Variants in ATP8A2 observed in about 807,000 individuals in gnomAD.
The protein encoded by ATP8A2 is phospholipid-transporting ATPase IB.
In ATP8A2, 100 loss-of-function variants were observed where a neutral mutation model predicts 165.6. That is an observed-to-expected ratio of 0.60 (90% CI 0.51 to 0.71). The LOEUF is 0.71. ATP8A2 is among the 30% of genes least tolerant of loss of function. ATP8A2 has a pLI of 0.00. For synonymous variants in ATP8A2, 543 were observed against 548.8 expected, an observed-to-expected ratio of 0.99 and a Z score of 0.15; for missense variants, 1,227 against 1,479.5, an observed-to-expected ratio of 0.83 and a Z score of 2.80.
chr13:25,950,043 A>G (rs894880009), intron 33 of ATP8A2, among the ~76,000 whole-genome samples: 1 of 152,068 alleles, frequency 6.6e-6, no homozygotes, highest in Non-Finnish European at 1.5e-5. Context: ...CAGGTGATCC[A>G]CCTGCCTCTG....
At chr13:25,427,912 A>G (rs1021059781) in intron 1 of ATP8A2, among the ~76,000 whole-genome samples, 3 of 151,916 alleles carry the variant, frequency 2.0e-5, no homozygotes, top group Non-Finnish European at 4.4e-5. Context: ...AGAAAAAGCA[A>G]GTTGGCTGGG....
In ATP8A2 at chr13:25,426,582, A is replaced by G. The variant is rs115220683; in HGVS notation, c.77-42395A>G. ...CATTATGGTGGCTACATGTCATTATACACTTGTCCAGACCATAGCCTGTAC... is the reference window on the plus strand; with the variant it reads ...CATTATGGTGGCTACATGTCATTATGCACTTGTCCAGACCATAGCCTGTAC... On this transcript the variant is annotated intron_variant, in intron 1 of 36. Coordinates refer to ENST00000381655, the MANE Select transcript of ATP8A2 (RefSeq NM_016529.6). Among the ~76,000 whole-genome samples the G allele has an allele frequency of 7.4e-3, 1,121 of 152,298 alleles. 11 individuals are homozygous for G. The highest frequency in any genetic ancestry group is 0.025 in the African/African-American group (1,041 of 41,562).
chr13:25,768,147 AAGCATCAGCTT>A (rs1438485490), intron 25 of ATP8A2, among the ~76,000 whole-genome samples: 2 of 151,988 alleles, frequency 1.3e-5, no homozygotes, highest in Non-Finnish European at 2.9e-5. Flanking sequence ...CCCGCAAATC[AAGCATCAGCTT>A]ACCAATTCAG....
intron 7 of ATP8A2, among the ~76,000 whole-genome samples, chr13:25,538,940 A>G (rs1472206323): frequency 6.6e-6 from 1 of 152,168 alleles, no homozygotes; most frequent in Admixed American, 6.6e-5. Flanking sequence ...AACACAGGGC[A>G]GGATTTATGT....
intron 2 of ATP8A2, among the ~76,000 whole-genome samples, chr13:25,513,319 G>A (rs1358573102): frequency 5.3e-5 from 8 of 151,988 alleles, no homozygotes; most frequent in Non-Finnish European, 1.0e-4. Context: ...CATCCCAGAC[G>A]GGGCGGTGGG....
intron 2 of ATP8A2, among the ~76,000 whole-genome samples, chr13:25,521,604 T>C (rs1328388445): frequency 6.6e-6 from 1 of 152,214 alleles, no homozygotes; most frequent in African/African-American, 2.4e-5. Flanking sequence ...TTACCAGTTT[T>C]CCCGGCATCA....
At chr13:25,839,951 C>T (rs1030895163) in intron 30 of ATP8A2, among the ~76,000 whole-genome samples, 10 of 152,032 alleles carry the variant, frequency 6.6e-5, no homozygotes, top group African/African-American at 2.4e-4. Context: ...GCTTTTTGTC[C>T]GTGGTTTGAA....
intron 24 of ATP8A2, among the ~76,000 whole-genome samples, chr13:25,660,331 C>T (rs546163464): frequency 9.9e-5 from 15 of 152,252 alleles, no homozygotes; most frequent in African/African-American, 3.4e-4. Context: ...TGTAACAATG[C>T]ACCTACAGAG....
At chr13:25,775,248 C>T (rs1348445669) in intron 27 of ATP8A2, among the ~76,000 whole-genome samples, 1 of 152,202 alleles carries the variant, frequency 6.6e-6, no homozygotes, top group Non-Finnish European at 1.5e-5. Flanking sequence ...GCCTCTTCCT[C>T]TGTGTCCTTG....
chr13:25,617,389 T>C (rs568855387), intron 24 of ATP8A2, among the ~76,000 whole-genome samples: 1 of 152,246 alleles, frequency 6.6e-6, no homozygotes, highest in Non-Finnish European at 1.5e-5. Flanking sequence ...ATTATTTTTA[T>C]AACTCAATTG....
intron 29 of ATP8A2, among the ~76,000 whole-genome samples, chr13:25,838,058 G>T (rs1022891514): frequency 6.6e-6 from 1 of 152,208 alleles, no homozygotes. Context: ...GCACGGCCTT[G>T]TTTCTGCCTC....
At chr13:25,519,977 A>C (rs2037609910) in intron 2 of ATP8A2, among the ~76,000 whole-genome samples, 1 of 152,216 alleles carries the variant, frequency 6.6e-6, no homozygotes, top group Admixed American at 6.5e-5. Context: ...AATTTGATAC[A>C]TTCATATAGT....
intron 25 of ATP8A2, among the ~76,000 whole-genome samples, chr13:25,747,884 C>T (rs1053049695): frequency 6.6e-5 from 10 of 152,100 alleles, no homozygotes; most frequent in Non-Finnish European, 1.5e-4. Context: ...CCTAAGCTGA[C>T]GTTTTTAGCT....
intron 25 of ATP8A2, among the ~76,000 whole-genome samples, chr13:25,710,014 T>G (rs1345977364): frequency 6.6e-6 from 1 of 152,222 alleles, no homozygotes; most frequent in Non-Finnish European, 1.5e-5. Context: ...TGTCTTGCAT[T>G]TCTACATTTC....
At chr13:25,418,810 T>A (rs1235561858) in intron 1 of ATP8A2, among the ~76,000 whole-genome samples, 1 of 152,196 alleles carries the variant, frequency 6.6e-6, no homozygotes, top group Non-Finnish European at 1.5e-5. Context: ...TCATTTTCTA[T>A]TGAAGCACCA....
intron 2 of ATP8A2, among the ~76,000 whole-genome samples, chr13:25,481,890 A>G (rs1302058125): frequency 6.6e-6 from 1 of 152,188 alleles, no homozygotes; most frequent in Non-Finnish European, 1.5e-5. Context: ...TCCCACCCTC[A>G]TGACCTCATC....
rs368378751 is a variant in ATP8A2 at position 25,862,318 on chromosome 13, C to A, written c.3093C>A (p.Val1031=). The change falls in exon 33 of 37, where the codon GTC becomes GTA. Residue 1031 remains valine, a synonymous_variant. Transcript: ENST00000381655. ...CTCTGCAGTTCAGTCATCTGGCTGTCTGGGGAAGCATGCTGACCTGGCTGG... is the reference window on the plus strand; with the variant it reads ...CTCTGCAGTTCAGTCATCTGGCTGTATGGGGAAGCATGCTGACCTGGCTGG... The part of the protein sequence containing the change: ...TAWTKFSHLA[V]WGSMLTWLVF... The A allele has an allele frequency of 1.2e-6, 2 of 1,613,966 alleles. No homozygotes were observed. Among genetic ancestry groups the A allele is most frequent in the African/African-American group, 1.3e-5 (1 of 74,926 alleles).
chr13:25,409,124 A>G (rs1012064214), intron 1 of ATP8A2, among the ~76,000 whole-genome samples: 1 of 152,320 alleles, frequency 6.6e-6, no homozygotes, highest in East Asian at 1.9e-4. Context: ...TTCTGAAAAT[A>G]ACACTATTGG....
chr13:25,507,893 C>T (rs942999598), intron 2 of ATP8A2, among the ~76,000 whole-genome samples: 1 of 152,044 alleles, frequency 6.6e-6, no homozygotes, highest in Non-Finnish European at 1.5e-5. Context: ...ATAGAGTTAA[C>T]AGACAATTCC....
Sources: allele counts gnomAD v4.1 joint callset (sites outside exome capture counted in the v4.1 genomes callset), GRCh38; gene constraint gnomAD v4.1.1; transcripts MANE v1.5; gene names NCBI Gene and HGNC (gene_info 2026-07-23, HGNC 2026-07-21).